SIL1: variants seen among roughly 807,000 people sequenced by gnomAD.
The protein encoded by SIL1 is SIL1 nucleotide exchange factor.
Under a neutral mutation model 49.1 loss-of-function variants are expected in SIL1, and 40 were observed. The ratio of observed to expected loss-of-function variants is 0.81; its 90% CI spans 0.63 to 1.06. The LOEUF is 1.06. Ranked by LOEUF, SIL1 falls within the 50% of genes least tolerant of loss-of-function variation. SIL1 has a pLI of 0.00. For synonymous variants in SIL1, 253 were observed against 250.8 expected, an observed-to-expected ratio of 1.01 and a Z score of -0.08; for missense variants, 500 against 572.6, an observed-to-expected ratio of 0.87 and a Z score of 1.29.
intron 7 of SIL1, among the ~76,000 whole-genome samples, chr5:138,987,660 T>C (rs952553036): frequency 3.3e-5 from 5 of 152,152 alleles, no homozygotes; most frequent in African/African-American, 9.7e-5. Context: ...GTGACTGCCC[T>C]GGCAAACACT....
intron 4 of SIL1, among the ~76,000 whole-genome samples, chr5:139,047,671 G>A (rs1374745223): frequency 6.6e-6 from 1 of 152,158 alleles, no homozygotes; most frequent in Non-Finnish European, 1.5e-5. Flanking sequence ...CAGTGCTAAG[G>A]GGCCAGGAAG....
intron 1 of SIL1, among the ~76,000 whole-genome samples, chr5:139,156,975 T>C (rs1461261090): frequency 6.6e-6 from 1 of 152,230 alleles, no homozygotes; most frequent in East Asian, 1.9e-4. Context: ...TTGAGCCCTG[T>C]GCCTTGCTCC....
intron 5 of SIL1, among the ~76,000 whole-genome samples, chr5:139,037,370 TGA>T (rs1169454250): frequency 1.3e-5 from 2 of 152,186 alleles, no homozygotes; most frequent in Non-Finnish European, 2.9e-5. Context: ...TATGAATCTG[TGA>T]GTTTATGCCT....
intron 6 of SIL1, chr5:139,022,699 C>T (rs912010823): frequency 2.6e-5 from 4 of 152,212 alleles, no homozygotes; most frequent in Admixed American, 6.5e-5. Context: ...GTGAAGTAAG[C>T]ATGAAGTCTG....
At chr5:139,043,135 A>G (rs1184547682) in intron 4 of SIL1, among the ~76,000 whole-genome samples, 1 of 152,244 alleles carries the variant, frequency 6.6e-6, no homozygotes, top group Non-Finnish European at 1.5e-5. Context: ...AGGGTCTAAC[A>G]GAGTGACCTT....
intron 3 of SIL1, among the ~76,000 whole-genome samples, chr5:139,051,419 C>T (rs551192179): frequency 6.6e-6 from 1 of 152,294 alleles, no homozygotes; most frequent in African/African-American, 2.4e-5. Flanking sequence ...TCAGGACATG[C>T]TACTTTACCG....
intron 4 of SIL1, among the ~76,000 whole-genome samples, chr5:139,050,141 G>A (rs1167800166): frequency 1.3e-5 from 2 of 152,050 alleles, no homozygotes; most frequent in Admixed American, 6.6e-5. Flanking sequence ...TTTAAGAAAT[G>A]TAAAAACCAA....
At chr5:138,992,931 C>G (rs1767788659) in intron 7 of SIL1, among the ~76,000 whole-genome samples, 1 of 152,036 alleles carries the variant, frequency 6.6e-6, no homozygotes, top group African/African-American at 2.4e-5. Context: ...CTAAACTATT[C>G]CAGAGCCAAG....
chr5:138,996,931 T>C (rs906902034), intron 7 of SIL1, among the ~76,000 whole-genome samples: 1 of 152,206 alleles, frequency 6.6e-6, no homozygotes, highest in Non-Finnish European at 1.5e-5. Context: ...TCCTGGAGCC[T>C]TTCTCCAATC....
intron 1 of SIL1, among the ~76,000 whole-genome samples, chr5:139,171,392 T>C (rs1194804297): frequency 7.9e-5 from 12 of 152,214 alleles, no homozygotes; most frequent in Admixed American, 7.9e-4. Context: ...TGTTGATGGG[T>C]GACCTTACCC....
chr5:139,040,484 C>CTTTTTGTTTTTTTTT (rs1769017561), intron 5 of SIL1, among the ~76,000 whole-genome samples: 1 of 89,410 alleles, frequency 1.1e-5, no homozygotes, highest in Non-Finnish European at 2.1e-5. Flanking sequence ...AGTATTTTTT[C>CTTTTTGTTTTTTTTT]TTTTTTCTTT....
chr5:139,029,341 A>C (rs540535346), intron 5 of SIL1, among the ~76,000 whole-genome samples: 2 of 152,210 alleles, frequency 1.3e-5, no homozygotes, highest in East Asian at 3.9e-4. Flanking sequence ...AAATTAGGAA[A>C]GTGATAAAAA....
intron 1 of SIL1, among the ~76,000 whole-genome samples, chr5:139,150,114 G>A (rs111701051): frequency 2.0e-5 from 3 of 152,182 alleles, no homozygotes; most frequent in African/African-American, 7.2e-5. Flanking sequence ...CTTAATAGAA[G>A]GAGCCAGTAA....
At chr5:138,968,523 C>A (rs567530227) in intron 7 of SIL1, among the ~76,000 whole-genome samples, 1 of 152,286 alleles carries the variant, frequency 6.6e-6, no homozygotes, top group African/African-American at 2.4e-5. Context: ...ACTGCAAGAA[C>A]CCTTCAGACA....
intron 1 of SIL1, among the ~76,000 whole-genome samples, chr5:139,150,136 T>C (rs189179964): frequency 6.6e-6 from 1 of 152,304 alleles, no homozygotes; most frequent in African/African-American, 2.4e-5. Context: ...CAGAATTTGA[T>C]TTGGACTGTA....
At chr5:139,149,674 G>C (rs1314371043) in intron 1 of SIL1, among the ~76,000 whole-genome samples, 3 of 152,258 alleles carry the variant, frequency 2.0e-5, no homozygotes, top group Middle Eastern at 6.8e-3. Context: ...GGACTTCCTA[G>C]AAGAGGTGAG....
chr5:139,127,849 G>A lies in SIL1; in HGVS notation c.-6C>T. 6.3e-7 allele frequency: 1 copy of A among 1,584,192 alleles called. No individual in the cohort carries two copies. The highest frequency in any genetic ancestry group is 2.3e-5 in the East Asian group (1 of 44,010). On this transcript the variant is annotated 5_prime_UTR_variant, in exon 2 of 10. Coordinates refer to ENST00000394817, the MANE Select transcript of SIL1 (RefSeq NM_022464.5). ...GGCAGGCTCTGGGGAGCCATAGTCA[G>A]GGACCTGCAGGTGCAAGCATAGACA...
chr5:139,000,724 A>G (rs1767965277), intron 7 of SIL1, among the ~76,000 whole-genome samples: 2 of 152,256 alleles, frequency 1.3e-5, no homozygotes, highest in African/African-American at 2.4e-5. Context: ...AAGATGGATA[A>G]TTCTGACTTT....
chr5:138,950,873 C>T (rs1561801188), intron 9 of SIL1, among the ~76,000 whole-genome samples: 2 of 152,332 alleles, frequency 1.3e-5, no homozygotes, highest in Admixed American at 6.5e-5. Context: ...GGCCTGGTCT[C>T]GGCTGCTCCA....
Sources: gnomAD v4.1 joint callset for allele counts (sites outside exome capture counted in the v4.1 genomes callset) on GRCh38, gnomAD v4.1.1 for gene constraint, MANE v1.5 for transcripts, NCBI Gene and HGNC (gene_info 2026-07-23, HGNC 2026-07-21) for gene names.